Variants in PGBD5 observed in about 807,000 individuals in gnomAD.
PGBD5 encodes the protein piggyBac transposable element-derived protein 5.
A neutral mutation model predicts 47.9 loss-of-function variants in PGBD5; 14 were observed. The observed-to-expected ratio is 0.29, with a 90% CI of 0.19 to 0.46. PGBD5 has a LOEUF of 0.46. Ranked by LOEUF, PGBD5 falls within the 20% of genes least tolerant of loss-of-function variation. The pLI is 1.00. For missense variants in PGBD5, 635 were observed against 716.0 expected (o/e 0.89, Z 1.29); for synonymous variants, 316 against 306.3 (o/e 1.03, Z -0.33).
chr1:230,356,975 C>G lies in PGBD5; in HGVS notation c.678G>C (p.Thr226=). The change falls in exon 2 of 7, where the codon ACG becomes ACC. Residue 226 remains threonine (T), a synonymous_variant. Coordinates refer to ENST00000391860, the MANE Select transcript of PGBD5 (RefSeq NM_001258311.2). ...HVVAFRSSQT[T]HGLYKVQPFL... is the part of the protein sequence containing the mutation. The stretch of plus-strand genomic sequence containing the variant: ...AGGGCTGGACCTTGTAGAGCCCGTG[C>G]GTGGTCTGGCTGGAGCGGAAGGCCA... 6.2e-7 allele frequency: 1 copy of G among 1,614,158 alleles called. No individual in the cohort carries two copies.
rs1667680578 is a variant in PGBD5 at position 230,357,899 on chromosome 1, T to C, written c.332-578A>G. On this transcript the variant is annotated intron_variant, in intron 1 of 6. Coordinates refer to ENST00000391860, the MANE Select transcript of PGBD5 (RefSeq NM_001258311.2). The surrounding 1 kb of genome is among the most constrained non-coding windows in gnomAD (Gnocchi z 5.7). ...AAAAGCACTGTCTGCCAGTCTGGGG[T>C]ACTTCTCCGTACAAGGAAGAAAGCA... Among the ~76,000 whole-genome samples, 1 of 152,032 alleles carries C rather than the reference T, an allele frequency of 6.6e-6. No homozygotes were observed.
chr1:230,368,828 T>C (rs1030860892), intron 1 of PGBD5, among the ~76,000 whole-genome samples: 13 of 152,104 alleles, frequency 8.5e-5, no homozygotes, highest in Non-Finnish European at 1.9e-4. Context: ...CATGCAGAGG[T>C]AGGGTGTGCG....
At chr1:230,345,350 C>T (rs893304647) in intron 3 of PGBD5, among the ~76,000 whole-genome samples, 1 of 152,146 alleles carries the variant, frequency 6.6e-6, no homozygotes, top group African/African-American at 2.4e-5. Context: ...TCCAATCGCT[C>T]AATTAGGTGG....
Position 230,399,705 on chromosome 1 carries a change from G to A in PGBD5, c.331+25893C>T, listed in dbSNP as rs559907252. Among the ~76,000 whole-genome samples the A allele has an allele frequency of 5.9e-5, 9 of 152,184 alleles. No individual in the cohort carries two copies. In the East Asian group the frequency reaches 1.7e-3, roughly 29 times the overall value. On this transcript the variant is annotated intron_variant, in intron 1 of 6. Transcript: ENST00000391860. ...AGGGTCAAGTGGCTGAAGGACCCCC[G>A]CAGACCGGAGGATGCTGCTGAGGGC...
At chr1:230,397,160 C>T (rs934402405) in intron 1 of PGBD5, among the ~76,000 whole-genome samples, 1 of 152,240 alleles carries the variant, frequency 6.6e-6, no homozygotes, top group African/African-American at 2.4e-5. Context: ...TGCATGCTCA[C>T]ACCACACCTT....
intron 4 of PGBD5, among the ~76,000 whole-genome samples, chr1:230,334,451 G>A (rs1667270254): frequency 1.3e-5 from 2 of 152,222 alleles, no homozygotes; most frequent in Non-Finnish European, 2.9e-5. Flanking sequence ...CAGCACTCAA[G>A]TTTCCATGAA....
chr1:230,377,544 G>A (rs1668032595), intron 1 of PGBD5: 1 of 1,611,740 alleles, frequency 6.2e-7, no homozygotes, highest in Non-Finnish European at 8.5e-7. Context: ...GCACTATGCT[G>A]AGCAACTGCA....
chr1:230,342,557 TGAGA>T (rs3045446), intron 3 of PGBD5, among the ~76,000 whole-genome samples: 35,071 of 151,898 alleles, frequency 0.23, 4,948 homozygotes, highest in South Asian at 0.36. Flanking sequence ...GACAGCCACT[TGAGA>T]GAGTTGTGAA....
At chr1:230,413,547 A>G (rs1657457043) in intron 1 of PGBD5, among the ~76,000 whole-genome samples, 1 of 152,134 alleles carries the variant, frequency 6.6e-6, no homozygotes, top group South Asian at 2.1e-4. Context: ...GCAAAAACAG[A>G]CAAGATTATG....
intron 1 of PGBD5, among the ~76,000 whole-genome samples, chr1:230,389,968 C>T (rs530397868): frequency 3.9e-5 from 6 of 152,204 alleles, no homozygotes; most frequent in East Asian, 3.9e-4. Flanking sequence ...AAGGAGGAAA[C>T]GGAGGCCAAG....
chr1:230,394,571 C>G (rs1274617177), intron 1 of PGBD5, among the ~76,000 whole-genome samples: 1 of 126,730 alleles, frequency 7.9e-6, no homozygotes, highest in Admixed American at 8.0e-5. Context: ...TTGCCCACCC[C>G]CCTCCCCTCC....
intron 1 of PGBD5, among the ~76,000 whole-genome samples, chr1:230,375,909 A>G (rs1345106109): frequency 6.6e-6 from 1 of 151,660 alleles, no homozygotes; most frequent in Non-Finnish European, 1.5e-5. Flanking sequence ...CGGGGTGTCA[A>G]TCTGGCCTTT....
In PGBD5 at chr1:230,325,399, C is replaced by T. The variant is rs773340519; in HGVS notation, c.1290G>A (p.Arg430=). Reference sequence around the variant, plus strand: ...AGGGGCATGGGATCTCCCCACTCTTCCTTTTGATGATGACTCCTGAAGGCG... The same window carrying T: ...AGGGGCATGGGATCTCCCCACTCTTTCTTTTGATGATGACTCCTGAAGGCG... ...SPVQQGVIIK[R]KSGEIPCPLA... Residue 430 remains arginine (R), a synonymous_variant, in exon 6 of 7, where the codon AGG becomes AGA. Transcript: ENST00000391860. The T allele has an allele frequency of 1.2e-5, 20 of 1,613,388 alleles. No homozygotes were observed. In the Admixed American group the frequency reaches 3.3e-4, roughly 27 times the overall value.
chr1:230,351,180 ATTTGAGCAGC>A, intron 2 of PGBD5, 88 bp from the exon 3 acceptor site: 1 of 1,414,258 alleles, frequency 7.1e-7, no homozygotes, highest in Non-Finnish European at 9.4e-7. Flanking sequence ...CAGCCTCTGC[ATTTGAGCAGC>A]TCTGTGACCT....
At chr1:230,421,856 G>A (rs1657657213) in intron 1 of PGBD5, among the ~76,000 whole-genome samples, 1 of 152,162 alleles carries the variant, frequency 6.6e-6, no homozygotes, top group African/African-American at 2.4e-5. Context: ...ACCATAGACA[G>A]GGTTCCAGGT....
intron 3 of PGBD5, among the ~76,000 whole-genome samples, chr1:230,340,147 A>G (rs2102693275): frequency 6.6e-6 from 1 of 152,302 alleles, no homozygotes; most frequent in African/African-American, 2.4e-5. Context: ...AAAAACCTTA[A>G]AAATATTCAT....
At position 230,318,697 on chromosome 1, in the gene PGBD5, C is replaced by A; in HGVS notation, c.*4728G>T. The A allele has an allele frequency of 6.6e-6, 1 of 152,406 alleles. No homozygotes were observed. 9.4% of individuals were successfully genotyped at this position (152,406 alleles called of 1,614,324 possible). A position where few individuals can be genotyped will look rare whatever the true frequency, so the allele number is the denominator to read the frequency against. Reference sequence around the variant, plus strand: ...GGCGCCTCTGGCCTAGATCCCAGGGCACTCTGATGAGACCCCACAGCTGGC... The same window carrying A: ...GGCGCCTCTGGCCTAGATCCCAGGGAACTCTGATGAGACCCCACAGCTGGC... On this transcript the variant is annotated 3_prime_UTR_variant, in exon 7 of 7. Transcript: ENST00000391860.
In PGBD5 at chr1:230,337,423, C is replaced by T. The variant is rs914801204; in HGVS notation, c.895-135G>A. The T allele has an allele frequency of 1.5e-5, 14 of 920,234 alleles. No individual in the cohort carries two copies. The African/African-American group carries it at 2.4e-4, about 15-fold the overall frequency. The allele number at this position is 920,234 out of a possible 1,614,324, so 57.0% of individuals were successfully genotyped here. On this transcript the variant is annotated intron_variant, in intron 3 of 6. Coordinates refer to ENST00000391860, the MANE Select transcript of PGBD5 (RefSeq NM_001258311.2). ...CATGGAAAAGCCCCCATCATCTTTT[C>T]AGCTCACAGGGACTCTAGGTCACCC...
intron 1 of PGBD5, among the ~76,000 whole-genome samples, chr1:230,422,965 C>T (rs1289391250): frequency 6.6e-6 from 1 of 151,882 alleles, no homozygotes; most frequent in East Asian, 1.9e-4. Context: ...GTGTCTACCT[C>T]CCTCATGCAC....
Sources: gnomAD v4.1 joint callset for allele counts (sites outside exome capture counted in the v4.1 genomes callset) on GRCh38, gnomAD v4.1.1 for gene constraint, Gnocchi (gnomAD v3.1) non-coding constraint, MANE v1.5 for transcripts, NCBI Gene and HGNC (gene_info 2026-07-23, HGNC 2026-07-21) for gene names.